TCF12: variants seen among roughly 807,000 people sequenced by gnomAD.
The protein encoded by TCF12 is transcription factor 12.
In TCF12, 45 loss-of-function variants were observed where a neutral mutation model predicts 86.0. That is an observed-to-expected ratio of 0.52 (90% confidence interval 0.41 to 0.67). The LOEUF (loss-of-function observed/expected upper bound fraction) is 0.67, where lower values mean the gene tolerates loss of function less well. Ranked by LOEUF, TCF12 falls within the 30% of genes least tolerant of loss-of-function variation. The probability of loss-of-function intolerance (pLI) is 0.00; values close to 1 mark genes in which losing one functional copy is unlikely to be tolerated. For synonymous variants in TCF12, 330 were observed against 299.6 expected, an observed-to-expected ratio of 1.10 and a Z score of -1.05; for missense variants, 881 against 859.9, an observed-to-expected ratio of 1.02 and a Z score of -0.31.
Position 56,921,008 on chromosome 15 carries a change from A to T in TCF12, c.76-18A>T. 6.3e-7 allele frequency: 1 copy of T among 1,585,576 alleles called. No homozygotes were observed. The highest frequency in any genetic ancestry group is 8.6e-7 in the Non-Finnish European group (1 of 1,165,536). Reference sequence around the variant, plus strand: ...GAAGAATTTCAGGACTAACAGATATATTTGGGTTATTTTGCAGATGTTTTC... The same window carrying T: ...GAAGAATTTCAGGACTAACAGATATTTTTGGGTTATTTTGCAGATGTTTTC... On this transcript the variant is annotated intron_variant, in intron 2 of 20. Transcript: ENST00000333725.
rs4611396 is a variant in TCF12 at position 57,271,161 on chromosome 15, G to A, written c.1746-1869G>A. On this transcript the variant is annotated intron_variant, in intron 18 of 20. Coordinates refer to ENST00000333725, the MANE Select transcript of TCF12 (RefSeq NM_207037.2). ...TGTCTGCTGCCTTTTGTTCAGATAC[G>A]CCCTGCCCTCAGAGGTGGAATCTAG... Among the ~76,000 whole-genome samples, 65 of 152,310 alleles carry A rather than the reference G, an allele frequency of 4.3e-4. No individual in the cohort carries two copies. In the East Asian group the frequency reaches 9.8e-3, roughly 23 times the overall value.
chr15:57,277,345 T>C (rs1325447572), intron 19 of TCF12, among the ~76,000 whole-genome samples: 1 of 151,782 alleles, frequency 6.6e-6, no homozygotes, highest in Non-Finnish European at 1.5e-5. Context: ...AAAATTAAGT[T>C]GGCAGCCGGG....
chr15:56,932,393 C>G (rs2060284859), intron 3 of TCF12, among the ~76,000 whole-genome samples: 1 of 152,124 alleles, frequency 6.6e-6, no homozygotes, highest in South Asian at 2.1e-4. Context: ...TGATACCAAT[C>G]TACAAGAGCA....
intron 11 of TCF12, 62 bp from the exon 12 acceptor site, chr15:57,233,981 G>A (rs1386995279): frequency 4.5e-6 from 6 of 1,342,760 alleles, no homozygotes; most frequent in Non-Finnish European, 5.3e-6. Context: ...AATAATGGCA[G>A]AGTGCTAAAA....
chr15:57,266,606 A>G (rs2060882415), intron 18 of TCF12, among the ~76,000 whole-genome samples: 1 of 152,266 alleles, frequency 6.6e-6, no homozygotes, highest in Admixed American at 6.5e-5. Flanking sequence ...TATTCTAGGC[A>G]GAATGATGTT....
chr15:57,103,097 T>C (rs573985622), intron 5 of TCF12, among the ~76,000 whole-genome samples: 33 of 152,132 alleles, frequency 2.2e-4, no homozygotes, highest in Non-Finnish European at 2.2e-4. Flanking sequence ...AATGAGAGGA[T>C]AGTGTGAGAA....
At chr15:57,281,497 AACGAACGGGCTGGCTGC>A (rs2061686943) in intron 19 of TCF12, 1 of 152,218 alleles carries the variant, frequency 6.6e-6, no homozygotes, top group Non-Finnish European at 1.5e-5. Context: ...GCCTGTTACG[AACGAACGGGCTGGCTGC>A]ACCGCAGGAG....
chr15:57,016,235 G>A (rs1057329079), intron 3 of TCF12, among the ~76,000 whole-genome samples: 1 of 152,228 alleles, frequency 6.6e-6, no homozygotes, highest in African/African-American at 2.4e-5. Flanking sequence ...TCACTAGCCA[G>A]AATTGTTATG....
At chr15:57,228,255 GT>G (rs1386001917) in intron 8 of TCF12, among the ~76,000 whole-genome samples, 1 of 152,034 alleles carries the variant, frequency 6.6e-6, no homozygotes, top group Non-Finnish European at 1.5e-5. Context: ...TTGCATCTAT[GT>G]TTTTGCAAGC....
At chr15:57,059,822 A>C (rs1050600232) in intron 3 of TCF12, among the ~76,000 whole-genome samples, 73 of 151,434 alleles carry the variant, frequency 4.8e-4, no homozygotes, top group South Asian at 4.2e-3. Flanking sequence ...AAAAAAAAAA[A>C]ATTCCAGTTT....
intron 5 of TCF12, among the ~76,000 whole-genome samples, chr15:57,147,548 G>A (rs1195411438): frequency 6.6e-6 from 1 of 151,834 alleles, no homozygotes; most frequent in Non-Finnish European, 1.5e-5. Context: ...CACTAAGTGA[G>A]ATCTTTGCAT....
chr15:57,254,040 C>T (rs2060235424), intron 16 of TCF12, among the ~76,000 whole-genome samples: 1 of 152,090 alleles, frequency 6.6e-6, no homozygotes, highest in African/African-American at 2.4e-5. Context: ...CGTTCTACAG[C>T]CATACACATC....
At chr15:57,108,147 A>C (rs1008041475) in intron 5 of TCF12, among the ~76,000 whole-genome samples, 3 of 152,234 alleles carry the variant, frequency 2.0e-5, no homozygotes, top group Admixed American at 6.5e-5. Flanking sequence ...GAATATTCAA[A>C]AATCAAGATA....
At chr15:57,277,503 C>G (rs1004279401) in intron 19 of TCF12, among the ~76,000 whole-genome samples, 1 of 151,536 alleles carries the variant, frequency 6.6e-6, no homozygotes, top group African/African-American at 2.4e-5. Flanking sequence ...GTGGCGTGCG[C>G]AAGTAGTCCC....
chr15:56,934,914 T>C (rs191238496), intron 3 of TCF12, among the ~76,000 whole-genome samples: 36 of 152,270 alleles, frequency 2.4e-4, no homozygotes, highest in African/African-American at 7.0e-4. Flanking sequence ...GATTTGACAG[T>C]TGCGTGACTG....
chr15:56,960,430 A>ATTTTT (rs5812861), intron 3 of TCF12, among the ~76,000 whole-genome samples: 1 of 128,602 alleles, frequency 7.8e-6, no homozygotes, highest in Non-Finnish European at 1.7e-5. Context: ...ACTGTATTGT[A>ATTTTT]TTTTTTTTTT....
Position 57,125,322 on chromosome 15 carries a change from A to G in TCF12, c.325+33431A>G, listed in dbSNP as rs555153872. Among the ~76,000 whole-genome samples, 24 of 152,372 alleles carry G rather than the reference A, an allele frequency of 1.6e-4. 1 individual carries two copies. The highest frequency in any genetic ancestry group is 2.4e-4 in the African/African-American group (10 of 41,596). ...TGACTAAAGACTTTATAATATTTCT[A>G]TAAGTTCTATTGTAGTAGATCCAGC... On this transcript the variant is annotated intron_variant, in intron 5 of 20. Coordinates refer to ENST00000333725, the MANE Select transcript of TCF12 (RefSeq NM_207037.2).
Position 57,166,411 on chromosome 15 carries a change from CAGAG to C in TCF12, c.340_343del (p.Arg114AlafsTer20). On this transcript the variant is annotated frameshift_variant, in exon 6 of 21. Coordinates refer to ENST00000333725, the MANE Select transcript of TCF12 (RefSeq NM_207037.2). LOFTEE classifies it high-confidence loss of function. ...TTTCTTTGTTTTATAGGAAAAACAT[CAGAG>C]AGAGGCTCATTTTCCCTGTACAGCA... The C allele has an allele frequency of 6.2e-7, 1 of 1,611,374 alleles. No individual in the cohort carries two copies. The highest frequency in any genetic ancestry group is 8.5e-7 in the Non-Finnish European group (1 of 1,178,926).
chr15:57,170,653 TATA>T (rs1567557397), intron 6 of TCF12, among the ~76,000 whole-genome samples: 9,471 of 51,454 alleles, frequency 0.18, 830 homozygotes, highest in Admixed American at 0.28. Context: ...ATATATATAT[TATA>T]TAAAATATAT....
Sources: allele counts gnomAD v4.1 joint callset (sites outside exome capture counted in the v4.1 genomes callset), GRCh38; gene constraint gnomAD v4.1.1; transcripts MANE v1.5; gene names NCBI Gene and HGNC (gene_info 2026-07-23, HGNC 2026-07-21).